Variants in MUC3A observed in about 807,000 individuals in gnomAD.
MUC3A encodes the protein mucin 3A, cell surface associated, also known as mucin-3A.
Under a neutral mutation model 109.0 loss-of-function variants are expected in MUC3A, and 109 were observed. The observed-to-expected ratio is 1.00, with a 90% CI of 0.86 to 1.17. The LOEUF (loss-of-function observed/expected upper bound fraction) is 1.17. MUC3A is among the 50% of genes most tolerant of loss of function. The pLI, the probability that MUC3A is intolerant of heterozygous loss-of-function variation, is 0.00. For missense variants in MUC3A, 3,537 were observed against 2,469.4 expected (o/e 1.43, Z -9.16); for synonymous variants, 1,398 against 981.4 (o/e 1.42, Z -7.93).
chr7:100,957,765 A>T lies in MUC3A; in HGVS notation c.5986A>T (p.Ile1996Phe). 1 of 1,343,846 alleles carries T rather than the reference A, an allele frequency of 7.4e-7. No individual in the cohort carries two copies. Among genetic ancestry groups the T allele is most frequent in the Non-Finnish European group, 1.1e-6 (1 of 952,280 alleles). The allele number at this position is 1,343,846 out of a possible 1,614,324, so 83.2% of individuals were successfully genotyped here. The change falls in exon 2 of 12, where the codon ATC becomes TTC. Residue 1996 changes from isoleucine to phenylalanine, a missense_variant. Ile to Phe is a conservative substitution (Grantham distance 21). Transcript: ENST00000379458. Reference protein sequence around the residue: ...SHSTPSYTSLITTTTTTSHST... With the variant: ...SHSTPSYTSLFTTTTTTSHST... Reference sequence around the variant, plus strand: ...CAGTACTCCCAGCTACACTTCTTTGATCACCACAACCACCACCACCTCACA... The same window carrying T: ...CAGTACTCCCAGCTACACTTCTTTGTTCACCACAACCACCACCACCTCACA...
intron 3 of MUC3A, among the ~76,000 whole-genome samples, chr7:100,961,515 CTA>C (rs1358918441): frequency 2.6e-5 from 4 of 152,312 alleles, no homozygotes; most frequent in Non-Finnish European, 4.4e-5. Context: ...CCCAAATAGT[CTA>C]TGTTAATTTT....
chr7:100,966,408 TG>T lies in MUC3A; in HGVS notation c.9636del (p.Trp3212CysfsTer20), dbSNP rs780433004. 3.6e-5 allele frequency: 49 copies of T among 1,350,064 alleles called. No individual in the cohort carries two copies. The highest frequency in any genetic ancestry group is 4.4e-5 in the Non-Finnish European group (47 of 1,057,542). The allele number at this position is 1,350,064 out of a possible 1,614,324, so 83.6% of individuals were successfully genotyped here. Reference sequence around the variant, plus strand: ...CAGCTGCTACTCCACCGACACGCACTGGTTCTCTGGCCCGCGCTGCGAGGTG... The same window carrying T: ...CAGCTGCTACTCCACCGACACGCACTGTTCTCTGGCCCGCGCTGCGAGGTG... ...TCRCYSTDTH[W>X]FSGPRCEVAV... On this transcript the variant is annotated frameshift_variant, in exon 9 of 12. Transcript: ENST00000379458. LOFTEE classifies it high-confidence loss of function.
At chr7:100,961,394 C>CCAGCAAGG (rs1792320777) in intron 3 of MUC3A, among the ~76,000 whole-genome samples, 2 of 152,160 alleles carry the variant, frequency 1.3e-5, no homozygotes, top group South Asian at 4.1e-4. Flanking sequence ...CCACAGCAAG[C>CCAGCAAGG]CTGCATCTCT....
rs777490350 is a variant in MUC3A at position 100,966,688 on chromosome 7, G to A, written c.9822G>A (p.Trp3274Ter). ...WDQDRKWFET[W>*]DEEVVGTFSN... The stretch of plus-strand genomic sequence containing the variant: ...AGGACAGGAAATGGTTCGAGACCTG[G>A]GATGAGGAAGTCGTGGGCACTTTTT... The change falls in exon 10 of 12, where the codon TGG becomes TGA. Residue 3274 changes from tryptophan to a stop codon, truncating the protein, a stop_gained. Transcript: ENST00000379458. LOFTEE classifies it high-confidence loss of function. The A allele has an allele frequency of 6.3e-7, 1 of 1,598,556 alleles. No homozygotes were observed. Among genetic ancestry groups the A allele is most frequent in the South Asian group, 1.1e-5 (1 of 91,090 alleles).
chr7:100,967,098 G>C lies in MUC3A; in HGVS notation c.9931-23G>C, dbSNP rs753020611. The C allele has an allele frequency of 3.1e-6, 5 of 1,598,414 alleles. No homozygotes were observed. The African/African-American group carries it at 6.7e-5, about 21-fold the overall frequency. On this transcript the variant is annotated intron_variant, in intron 11 of 11. Coordinates refer to ENST00000379458, the MANE Select transcript of MUC3A (RefSeq NM_005960.2). ...CCCAAACCAGTGGCTCCGCGTTCCC[G>C]TCCCTCACTGTGACTCTGACAGGTG...
At chr7:100,964,099 G>A (rs1438037279) in intron 5 of MUC3A, 3,236 of 467,678 alleles carry the variant, frequency 6.9e-3, no homozygotes, top group Middle Eastern at 0.043. Flanking sequence ...GGGAGAGAAC[G>A]CACGTCTAGG....
intron 1 of MUC3A, 110 bp from the exon 2 acceptor site, chr7:100,951,731 C>A (rs1791948566): frequency 2.0e-6 from 3 of 1,492,026 alleles, no homozygotes; most frequent in Admixed American, 3.8e-5. Context: ...ATATGCCCTG[C>A]CCTCTGTGAT....
Position 100,954,642 on chromosome 7 carries a change from A to G in MUC3A, c.2863A>G (p.Thr955Ala). The G allele has an allele frequency of 2.5e-6, 1 of 399,950 alleles. No homozygotes were observed. The highest frequency in any genetic ancestry group is 4.4e-6 in the Non-Finnish European group (1 of 227,148). 24.8% of individuals were successfully genotyped at this position (399,950 alleles called of 1,614,324 possible). A position where few individuals can be genotyped will look rare whatever the true frequency, so the allele number is the denominator to read the frequency against. Residue 955 changes from threonine to alanine, a missense_variant, in exon 2 of 12, where the codon ACA becomes GCA. Thr to Ala is a moderately conservative substitution (Grantham distance 58). Coordinates refer to ENST00000379458, the MANE Select transcript of MUC3A (RefSeq NM_005960.2). ...PSPTTTTSFT[T>A]STMMEPPSST... is the part of the protein sequence containing the mutation. Reference sequence around the variant, plus strand: ...ACCCACTACCACCACCTCATTTACCACATCCACAATGATGGAACCACCTTC... The same window carrying G: ...ACCCACTACCACCACCTCATTTACCGCATCCACAATGATGGAACCACCTTC...
At position 100,952,846 on chromosome 7, in the gene MUC3A, G is replaced by A. The variant is rs1247094027; in HGVS notation, c.1067G>A (p.Ser356Asn). The A allele has an allele frequency of 7.0e-7, 1 of 1,428,448 alleles. No individual in the cohort carries two copies. The highest frequency in any genetic ancestry group is 9.1e-7 in the Non-Finnish European group (1 of 1,093,164). 88.5% of individuals were successfully genotyped at this position (1,428,448 alleles called of 1,614,324 possible). The change falls in exon 2 of 12, where the codon AGT becomes AAT. Residue 356 changes from serine (S) to asparagine (N), a missense_variant. Physicochemically the swap from Ser to Asn is conservative, Grantham distance 46. Coordinates refer to ENST00000379458, the MANE Select transcript of MUC3A (RefSeq NM_005960.2). ...ACTACCAAAATCGCCTACTCCACAA[G>A]TATGACAGGTACATTGTCCACAGAG... ...DSTTKIAYSTSMTGTLSTETS... is the reference protein window; with the variant it reads ...DSTTKIAYSTNMTGTLSTETS...
chr7:100,960,934 C>A lies in MUC3A; in HGVS notation c.9049C>A (p.Leu3017Ile). Residue 3017 changes from leucine to isoleucine, a missense_variant, in exon 3 of 12, where the codon CTA becomes ATA. By Grantham distance (5) the Leu-to-Ile change is conservative. Coordinates refer to ENST00000379458, the MANE Select transcript of MUC3A (RefSeq NM_005960.2). ...SCEFAVEQVD[L>I]DVVETEVGME... ...TGAGTTTGCTGTGGAACAGGTGGAT[C>A]TAGGTGAGTTGCCAGAGCTATGCCT... 6.3e-7 allele frequency: 1 copy of A among 1,598,542 alleles called. No homozygotes were observed. The highest frequency in any genetic ancestry group is 2.2e-5 in the East Asian group (1 of 44,892).
At chr7:100,962,187 C>A (rs1792349546) in intron 3 of MUC3A, among the ~76,000 whole-genome samples, 1 of 42,856 alleles carries the variant, frequency 2.3e-5, no homozygotes, top group African/African-American at 5.8e-5. Flanking sequence ...AGCCGAGATC[C>A]CGCCACTGCA....
intron 5 of MUC3A, 27 bp downstream of exon 5, chr7:100,963,779 G>C (rs1258348311): frequency 1.3e-6 from 2 of 1,598,358 alleles, no homozygotes; most frequent in African/African-American, 2.7e-5. Context: ...GGGATGCGGA[G>C]GCGGTGTTGG....
chr7:100,951,898 C>T lies in MUC3A; in HGVS notation c.119C>T (p.Ala40Val). ...GTGCCTTTCCCCAGAGCAGAAGCAG[C>T]CAGCGCTGTGCTCAGCAATTCTCCA... ...SQVPFPRAEA[A>V]SAVLSNSPHS... Residue 40 changes from alanine (A) to valine (V), a missense_variant, in exon 2 of 12, where the codon GCC (alanine) becomes GTC (valine). Physicochemically the swap from Ala to Val is moderately conservative, Grantham distance 64. Coordinates refer to ENST00000379458, the MANE Select transcript of MUC3A (RefSeq NM_005960.2). The T allele has an allele frequency of 1.9e-6, 3 of 1,598,320 alleles. No homozygotes were observed. The highest frequency in any genetic ancestry group is 2.5e-6 in the Non-Finnish European group (3 of 1,179,476).
Position 100,952,616 on chromosome 7 carries a change from C to T in MUC3A, c.837C>T (p.Pro279=), listed in dbSNP as rs372906630. 459 of 1,598,558 alleles carry T rather than the reference C, an allele frequency of 2.9e-4. 1 individual carries two copies. The African/African-American group carries it at 5.6e-3, about 19-fold the overall frequency. ...VTSMTTTASQ[P]TATNTLSSPT... ...CTATGACAACGACCGCCTCCCAGCC[C>T]ACAGCCACTAATACATTGTCATCAC... The change falls in exon 2 of 12, where the codon CCC becomes CCT. Residue 279 remains proline (P), a synonymous_variant. Coordinates refer to ENST00000379458, the MANE Select transcript of MUC3A (RefSeq NM_005960.2).
Position 100,957,294 on chromosome 7 carries a change from AC to A in MUC3A, c.5517del (p.Thr1840ProfsTer23). The A allele has an allele frequency of 5.4e-6, 3 of 558,544 alleles. No homozygotes were observed. Among genetic ancestry groups the A allele is most frequent in the Non-Finnish European group, 9.4e-6 (3 of 319,036 alleles). The allele number at this position is 558,544 out of a possible 1,614,324, so 34.6% of individuals were successfully genotyped here. A position where few individuals can be genotyped will look rare whatever the true frequency, so the allele number is the denominator to read the frequency against. ...CACCAGTTCTACACCTACATCTGAG[AC>A]CACCTACCCTACTTCTCTTACTAGT... ...SDTSSTPTSE[T>X]TYPTSLTSAL... On this transcript the variant is annotated frameshift_variant, in exon 2 of 12. Transcript: ENST00000379458. LOFTEE classifies it high-confidence loss of function.
Position 100,958,774 on chromosome 7 carries a change from A to C in MUC3A, c.6995A>C (p.Glu2332Ala). Residue 2332 changes from glutamate (E) to alanine (A), a missense_variant, in exon 2 of 12, where the codon GAG (glutamate) becomes GCG (alanine). Transcript: ENST00000379458. ...TTCACTTCTTCGATCACCACCACCG[A>C]GACCACCTCACACAATACTCGCAGC... ...HSFTSSITTT[E>A]TTSHNTRSFT... 2 of 1,496,526 alleles carry C rather than the reference A, an allele frequency of 1.3e-6. No individual in the cohort carries two copies. The highest frequency in any genetic ancestry group is 1.8e-6 in the Non-Finnish European group (2 of 1,112,322). 92.7% of individuals were successfully genotyped at this position (1,496,526 alleles called of 1,614,324 possible).
chr7:100,965,983 C>T (rs901910000), intron 8 of MUC3A, 117 bp downstream of exon 8: 3 of 1,432,378 alleles, frequency 2.1e-6, no homozygotes, highest in African/African-American at 2.9e-5. Context: ...AGCCTCGTCC[C>T]CAGAGTGCCG....
In MUC3A at chr7:100,957,404, C is replaced by T. The variant is rs1406838954; in HGVS notation, c.5625C>T (p.Thr1875=). The change falls in exon 2 of 12, where the codon ACC becomes ACT. Residue 1875 remains threonine (T), a synonymous_variant. Coordinates refer to ENST00000379458, the MANE Select transcript of MUC3A (RefSeq NM_005960.2). ...CCACTGTGACCTCTCTTCGACCCAC[C>T]TCTTCCTCTCTCCTCACCACAGTAA... ...TLSTVTSLRP[T]SSSLLTTVTA... is the part of the protein sequence containing the mutation. 1 of 704,158 alleles carries T rather than the reference C, an allele frequency of 1.4e-6. No homozygotes were observed. Among genetic ancestry groups the T allele is most frequent in the Non-Finnish European group, 2.1e-6 (1 of 472,184 alleles). The allele number at this position is 704,158 out of a possible 1,614,324, so 43.6% of individuals were successfully genotyped here.
At chr7:100,965,470 G>C (rs1262830278) in intron 7 of MUC3A, 123 bp downstream of exon 7, 28 of 1,491,638 alleles carry the variant, frequency 1.9e-5, no homozygotes, top group Non-Finnish European at 2.5e-5. Flanking sequence ...ATGTGGCCCA[G>C]GGCGGCCCTT....
Sources: gnomAD v4.1 joint callset for allele counts (sites outside exome capture counted in the v4.1 genomes callset) on GRCh38, gnomAD v4.1.1 for gene constraint, MANE v1.5 for transcripts, NCBI Gene and HGNC (gene_info 2026-07-23, HGNC 2026-07-21) for gene names.